DNAH11: variants seen among roughly 807,000 people sequenced by gnomAD.
DNAH11 encodes dynein axonemal heavy chain 11, also known as axonemal beta dynein heavy chain 11.
Under a neutral mutation model 526.0 loss-of-function variants are expected in DNAH11, and 442 were observed. The ratio of observed to expected loss-of-function variants is 0.84; its 90% CI spans 0.78 to 0.91. DNAH11 has a LOEUF of 0.91. DNAH11 is among the 40% of genes least tolerant of loss of function. DNAH11 has a pLI of 0.00. For synonymous variants in DNAH11, 2,461 were observed against 1,935.9 expected (o/e 1.27, Z -7.12); for missense variants, 6,989 against 5,448.7 (o/e 1.28, Z -8.90).
At chr7:21,553,835 C>G (rs1003586957) in intron 2 of DNAH11, among the ~76,000 whole-genome samples, 10 of 152,244 alleles carry the variant, frequency 6.6e-5, no homozygotes, top group African/African-American at 1.4e-4. Flanking sequence ...TTCTTCCTCT[C>G]TCCCTACAAA....
intron 14 of DNAH11, among the ~76,000 whole-genome samples, chr7:21,598,153 CAGAG>C (rs1172388753): frequency 6.6e-6 from 1 of 152,178 alleles, no homozygotes; most frequent in Non-Finnish European, 1.5e-5. Flanking sequence ...TCAAAGAAAA[CAGAG>C]AGTATAGTCC....
intron 37 of DNAH11, among the ~76,000 whole-genome samples, chr7:21,703,285 C>T (rs1198990540): frequency 6.6e-6 from 1 of 152,190 alleles, no homozygotes; most frequent in Non-Finnish European, 1.5e-5. Context: ...GAGAAATGTT[C>T]TGCTCTCCTT....
chr7:21,734,174 C>T (rs1327553804), intron 45 of DNAH11, among the ~76,000 whole-genome samples: 2 of 152,158 alleles, frequency 1.3e-5, no homozygotes, highest in African/African-American at 4.8e-5. Flanking sequence ...ATGACCTTGA[C>T]CGAGTCAGTT....
intron 76 of DNAH11, among the ~76,000 whole-genome samples, chr7:21,892,122 G>A (rs960450658): frequency 6.6e-6 from 1 of 152,144 alleles, no homozygotes; most frequent in Non-Finnish European, 1.5e-5. Context: ...GTGTGTTATA[G>A]GGTAGCCCAG....
At position 21,591,038 on chromosome 7, in the gene DNAH11, T is replaced by A. The variant is rs773735978; in HGVS notation, c.2274+16T>A. 6.8e-7 allele frequency: 1 copy of A among 1,460,828 alleles called. No homozygotes were observed. Among genetic ancestry groups the A allele is most frequent in the East Asian group, 2.6e-5 (1 of 37,804 alleles). The allele number at this position is 1,460,828 out of a possible 1,614,324, so 90.5% of individuals were successfully genotyped here. A position where few individuals can be genotyped will look rare whatever the true frequency, so the allele number is the denominator to read the frequency against. The stretch of plus-strand genomic sequence containing the variant: ...TATTTTAAAGGTTTGTGATTTTTGT[T>A]AAAAAAAAGATACTAGGGCCTATTA... On this transcript the variant is annotated intron_variant, in intron 13 of 81. Transcript: ENST00000409508.
At chr7:21,847,487 G>T (rs1192713686) in intron 66 of DNAH11, among the ~76,000 whole-genome samples, 1 of 152,074 alleles carries the variant, frequency 6.6e-6, no homozygotes, top group Non-Finnish European at 1.5e-5. Flanking sequence ...AAATATTTTT[G>T]AATTTTAAGC....
At chr7:21,807,305 C>G (rs753957137) in intron 62 of DNAH11, among the ~76,000 whole-genome samples, 22 of 152,074 alleles carry the variant, frequency 1.4e-4, no homozygotes, top group Non-Finnish European at 2.6e-4. Context: ...TTGAGACCAG[C>G]CTGGGCAACA....
intron 66 of DNAH11, among the ~76,000 whole-genome samples, chr7:21,850,353 T>TAA (rs1782579426): frequency 3.6e-5 from 2 of 55,864 alleles, no homozygotes; most frequent in African/African-American, 1.4e-4. Context: ...AGACTCTGTC[T>TAA]CAAAAAAAAA....
At chr7:21,692,764 T>C (rs909416690) in intron 35 of DNAH11, among the ~76,000 whole-genome samples, 2 of 152,236 alleles carry the variant, frequency 1.3e-5, no homozygotes, top group Admixed American at 6.5e-5. Flanking sequence ...TCCAAAGTGA[T>C]TTTACAAGTT....
chr7:21,600,651 A>G, intron 15 of DNAH11, 25 bp from the exon 16 acceptor site: 1 of 1,563,900 alleles, frequency 6.4e-7, no homozygotes, highest in Admixed American at 1.8e-5. Flanking sequence ...TTGAATAGTA[A>G]GTGCTGTGTT....
rs140650068 is a variant in DNAH11 at position 21,693,736 on chromosome 7, A to G, written c.6041+2855A>G. ...TTATTGGTGTTATCTAGTTGAATCCATTGGCACACACTGGTTCATTGTATT... is the reference window on the plus strand; with the variant it reads ...TTATTGGTGTTATCTAGTTGAATCCGTTGGCACACACTGGTTCATTGTATT... On this transcript the variant is annotated intron_variant, in intron 35 of 81. Coordinates refer to ENST00000409508, the MANE Select transcript of DNAH11 (RefSeq NM_001277115.2). 2.0e-5 allele frequency among the ~76,000 whole-genome samples: 3 copies of G among 152,242 alleles called. No individual in the cohort carries two copies. The East Asian group carries it at 5.8e-4, about 29-fold the overall frequency.
At chr7:21,701,163 G>A (rs1017628112) in intron 36 of DNAH11, among the ~76,000 whole-genome samples, 13 of 151,940 alleles carry the variant, frequency 8.6e-5, no homozygotes, top group African/African-American at 3.1e-4. Context: ...TCAAGCCTCA[G>A]CCTACTCCAT....
At position 21,866,552 on chromosome 7, in the gene DNAH11, C is replaced by A. The variant is rs1362251767; in HGVS notation, c.11579C>A (p.Ser3860Tyr). ...AAGCAGTGGAGGAAGTGGGTAGAAT[C>A]CGAGTGTCCAGAAAAAGAAAAATTA... ...SAKQWRKWVE[S>Y]ECPEKEKLPQ... is the part of the protein sequence containing the mutation. Residue 3860 changes from serine (S) to tyrosine (Y), a missense_variant, in exon 71 of 82, where the codon TCC becomes TAC. Coordinates refer to ENST00000409508, the MANE Select transcript of DNAH11 (RefSeq NM_001277115.2). 9 of 1,613,582 alleles carry A rather than the reference C, an allele frequency of 5.6e-6. No homozygotes were observed. Among genetic ancestry groups the A allele is most frequent in the African/African-American group, 1.3e-5 (1 of 74,868 alleles).
At chr7:21,565,284 T>C (rs1783620694) in intron 6 of DNAH11, among the ~76,000 whole-genome samples, 3 of 152,120 alleles carry the variant, frequency 2.0e-5, no homozygotes, top group Non-Finnish European at 2.9e-5. Context: ...CCACAGGTCC[T>C]GTCGGATTAA....
chr7:21,749,758 A>G lies in DNAH11; in HGVS notation c.8754A>G (p.Leu2918=). The part of the protein sequence containing the change: ...TVFLLTDAQV[L]DESFLVLIND... ...TCCTGCTGACAGATGCCCAGGTTCT[A>G]GATGAGAGCTTCCTCGTGCTGATTA... is the stretch of plus-strand genomic sequence containing the variant. The change falls in exon 53 of 82, where the codon CTA becomes CTG. Residue 2918 remains leucine (L), a synonymous_variant. Coordinates refer to ENST00000409508, the MANE Select transcript of DNAH11 (RefSeq NM_001277115.2). The G allele has an allele frequency of 6.2e-7, 1 of 1,614,034 alleles. No individual in the cohort carries two copies. Among genetic ancestry groups the G allele is most frequent in the Non-Finnish European group, 8.5e-7 (1 of 1,179,870 alleles).
chr7:21,804,646 A>G (rs928615360), intron 62 of DNAH11, among the ~76,000 whole-genome samples: 2 of 152,070 alleles, frequency 1.3e-5, no homozygotes, highest in African/African-American at 2.4e-5. Flanking sequence ...CAGATATTCT[A>G]TTGACCCTGC....
chr7:21,734,134 G>T (rs1785505639), intron 45 of DNAH11, among the ~76,000 whole-genome samples: 1 of 152,202 alleles, frequency 6.6e-6, no homozygotes, highest in African/African-American at 2.4e-5. Flanking sequence ...ACTTGGGTTT[G>T]AATCGAAGTA....
chr7:21,759,259 G>A (rs1042267904), intron 54 of DNAH11, among the ~76,000 whole-genome samples: 3 of 152,238 alleles, frequency 2.0e-5, no homozygotes, highest in South Asian at 2.1e-4. Flanking sequence ...ACTAAAACTC[G>A]CTGATGTCAA....
chr7:21,735,597 C>G (rs1304421804), intron 45 of DNAH11, 43 bp from the exon 46 acceptor site: 3 of 1,537,822 alleles, frequency 2.0e-6, no homozygotes, highest in African/African-American at 1.4e-5. Flanking sequence ...CACGCACTCT[C>G]TCTCTCTTTC....
Sources: allele counts gnomAD v4.1 joint callset (sites outside exome capture counted in the v4.1 genomes callset), GRCh38; gene constraint gnomAD v4.1.1; transcripts MANE v1.5; gene names NCBI Gene and HGNC (gene_info 2026-07-23, HGNC 2026-07-21).